The following DGKZ variants were observed in gnomAD, a reference collection of about 807,000 sequenced individuals.
DGKZ encodes DAG kinase zeta.
A neutral mutation model predicts 142.5 loss-of-function variants in DGKZ; 45 were observed. That is an observed-to-expected ratio of 0.32 (90% CI 0.25 to 0.40). DGKZ has a LOEUF of 0.40. Among genes scored for constraint, DGKZ ranks in the 10% least tolerant of loss-of-function variants. The probability of loss-of-function intolerance (pLI) is 1.00; values close to 1 mark genes in which losing one functional copy is unlikely to be tolerated. For missense variants in DGKZ, 755 were observed against 1,306.5 expected (o/e 0.58, Z 6.51); for synonymous variants, 442 against 527.0 (o/e 0.84, Z 2.21).
chr11:46,367,833 C>T lies in DGKZ; in HGVS notation c.366+86C>T. The T allele has an allele frequency of 1.3e-6, 2 of 1,566,358 alleles. No homozygotes were observed. Among genetic ancestry groups the T allele is most frequent in the Non-Finnish European group, 1.8e-6 (2 of 1,140,840 alleles). On this transcript the variant is annotated intron_variant, in intron 3 of 30. Transcript: ENST00000527911. The surrounding 1 kb of genome is among the most constrained non-coding windows in gnomAD (Gnocchi z 4.1). ...GGGAACGTGGGATTGAGCCCGCTCCCTGGCACCCCTGCTGTGGGCCGCCCC... is the reference window on the plus strand; with the variant it reads ...GGGAACGTGGGATTGAGCCCGCTCCTTGGCACCCCTGCTGTGGGCCGCCCC...
In DGKZ at chr11:46,363,335, T is replaced by C. The variant is rs1023859542; in HGVS notation, c.162-3956T>C. 2.0e-5 allele frequency among the ~76,000 whole-genome samples: 3 copies of C among 152,158 alleles called. No individual in the cohort carries two copies. In the South Asian group the frequency reaches 6.2e-4, roughly 32 times the overall value. On this transcript the variant is annotated intron_variant, in intron 1 of 30. Transcript: ENST00000527911. ...CATGGGTGCCCAGCAGGAGAGCCTG[T>C]GACAAATTGTCAGCTCAGCCACTCT...
At chr11:46,349,843 C>A (rs558532774) in intron 1 of DGKZ, among the ~76,000 whole-genome samples, 1 of 152,284 alleles carries the variant, frequency 6.6e-6, no homozygotes, top group South Asian at 2.1e-4. Flanking sequence ...TACCAGGATC[C>A]CAAACGGAAC....
Position 46,371,616 on chromosome 11 carries a change from T to A in DGKZ, c.759+13T>A. Reference sequence around the variant, plus strand: ...CCGGAGGCCCCAGGTGAGTACTGCCTGCACCCTTGATGCCCCGTACGCACT... The same window carrying A: ...CCGGAGGCCCCAGGTGAGTACTGCCAGCACCCTTGATGCCCCGTACGCACT... On this transcript the variant is annotated intron_variant, in intron 8 of 30. Coordinates refer to ENST00000527911, the Ensembl canonical transcript of DGKZ. The A allele has an allele frequency of 1.2e-6, 2 of 1,613,158 alleles. No individual in the cohort carries two copies. Among genetic ancestry groups the A allele is most frequent in the Non-Finnish European group, 1.7e-6 (2 of 1,179,616 alleles).
Position 46,371,199 on chromosome 11 carries a change from C to T in DGKZ, c.571-114C>T, listed in dbSNP as rs1328045107. On this transcript the variant is annotated intron_variant, in intron 6 of 30. Transcript: ENST00000527911. ...TTAAGCCCAGGAGTTTGAGACCAGC[C>T]TGGGCAACATAGCGAGGCCCTGTCT... is the stretch of plus-strand genomic sequence containing the variant. The T allele has an allele frequency of 2.9e-6, 3 of 1,030,732 alleles. No individual in the cohort carries two copies. The East Asian group carries it at 7.2e-5, about 25-fold the overall frequency. 63.8% of individuals were successfully genotyped at this position (1,030,732 alleles called of 1,614,324 possible).
chr11:46,341,915 C>T (rs1940296535), intron 1 of DGKZ, among the ~76,000 whole-genome samples: 1 of 152,064 alleles, frequency 6.6e-6, no homozygotes, highest in Non-Finnish European at 1.5e-5. Context: ...GACAAAGAGG[C>T]GGAAAAGCAA....
In DGKZ at chr11:46,333,049, G is replaced by A. The variant is rs537855631; in HGVS notation, c.-227G>A. On this transcript the variant is annotated 5_prime_UTR_variant, in exon 1 of 31. Transcript: ENST00000343674. ...CGCAGCACCCCGACTCCAGCCAGGAGCCCCCGCCCCCCCGGAGCGCAGGAG... is the reference window on the plus strand; with the variant it reads ...CGCAGCACCCCGACTCCAGCCAGGAACCCCCGCCCCCCCGGAGCGCAGGAG... 992 of 360,688 alleles carry A rather than the reference G, an allele frequency of 2.8e-3. 8 individuals are homozygous for A. Among genetic ancestry groups the A allele is most frequent in the African/African-American group, 0.02 (925 of 47,096 alleles). 22.3% of individuals were successfully genotyped at this position (360,688 alleles called of 1,614,324 possible).
In DGKZ at chr11:46,367,589, G is replaced by A; in HGVS notation, c.271-63G>A. The A allele has an allele frequency of 3.4e-6, 3 of 871,230 alleles. No homozygotes were observed. Among genetic ancestry groups the A allele is most frequent in the Non-Finnish European group, 4.9e-6 (3 of 612,342 alleles). 54.0% of individuals were successfully genotyped at this position (871,230 alleles called of 1,614,324 possible). A position where few individuals can be genotyped will look rare whatever the true frequency, so the allele number is the denominator to read the frequency against. The stretch of plus-strand genomic sequence containing the variant: ...TGTCTTGGGAGAGGGCGGGTGGGCG[G>A]GGGCTGATGGGAGGGAGGGCTGGGC... On this transcript the variant is annotated intron_variant, in intron 2 of 30. Coordinates refer to ENST00000527911, the Ensembl canonical transcript of DGKZ. This position sits in a 1 kb window ranked among gnomAD's most constrained non-coding sequence, Gnocchi z 4.1.
At chr11:46,366,473 C>T (rs1453735214) in intron 1 of DGKZ, 12 of 1,566,840 alleles carry the variant, frequency 7.7e-6, no homozygotes, top group South Asian at 1.2e-5. Flanking sequence ...TTCCAGCCGC[C>T]GGCGCTCCAG....
In DGKZ at chr11:46,379,579, G is replaced by A. The variant is rs1284616486; in HGVS notation, c.2688+11G>A. On this transcript the variant is annotated intron_variant, in intron 30 of 30. Transcript: ENST00000527911. ...AAGACAGACCAGCAGGTGAGCAGAC[G>A]GCAGGCAGGGAGCCCACGAGGGCAC... is the stretch of plus-strand genomic sequence containing the variant. The A allele has an allele frequency of 1.3e-6, 2 of 1,599,034 alleles. No homozygotes were observed. The highest frequency in any genetic ancestry group is 8.5e-7 in the Non-Finnish European group (1 of 1,173,130).
exon 20 of DGKZ, chr11:46,375,539 G>A (rs1193124727): frequency 6.3e-7 from 1 of 1,592,204 alleles, no homozygotes; most frequent in South Asian, 1.1e-5. Context: ...AGCCCTGCAA[G>A]CTTGCAGCCT....
At chr11:46,375,946 A>G in exon 21 of DGKZ, 1 of 1,609,762 alleles carries the variant, frequency 6.2e-7, no homozygotes, top group African/African-American at 1.3e-5. Context: ...CAGCTCAAGG[A>G]GGCCTGTGAG....
chr11:46,366,621 T>C (rs1484491432), intron 1 of DGKZ: 1 of 1,607,206 alleles, frequency 6.2e-7, no homozygotes. Flanking sequence ...GAGGAGGGTG[T>C]CCAGGAGGAT....
In DGKZ at chr11:46,369,763, G is replaced by A. The variant is rs542793219; in HGVS notation, c.502-178G>A. 1,305 of 875,850 alleles carry A rather than the reference G, an allele frequency of 1.5e-3. 3 individuals are homozygous for A. The highest frequency in any genetic ancestry group is 1.6e-3 in the Admixed American group (66 of 42,466). The allele number at this position is 875,850 out of a possible 1,614,324, so 54.3% of individuals were successfully genotyped here. On this transcript the variant is annotated intron_variant, in intron 5 of 30. Coordinates refer to ENST00000527911, the Ensembl canonical transcript of DGKZ. ...CTCCTGGTGCTTCCCAGCCTTCTCT[G>A]TCCCTCTGAGTCTGAGCCTCCCCCA... is the stretch of plus-strand genomic sequence containing the variant.
chr11:46,368,188 G>C (rs758038463), intron 4 of DGKZ, 109 bp downstream of exon 4: 3 of 1,159,892 alleles, frequency 2.6e-6, no homozygotes, highest in African/African-American at 3.1e-5. Flanking sequence ...GAGTGACCCA[G>C]CACTCGGGGG....
intron 1 of DGKZ, among the ~76,000 whole-genome samples, chr11:46,350,197 T>C (rs972088229): frequency 2.0e-5 from 3 of 152,156 alleles, no homozygotes; most frequent in Non-Finnish European, 4.4e-5. Context: ...GGGAAAGCAC[T>C]TTCTCCTGGC....
chr11:46,353,544 T>C (rs1026961720), intron 1 of DGKZ, among the ~76,000 whole-genome samples: 2 of 152,172 alleles, frequency 1.3e-5, no homozygotes, highest in Admixed American at 6.5e-5. Flanking sequence ...TCATGTGGCG[T>C]CCGGGCTGGG....
chr11:46,337,332 G>C (rs1940063188), intron 1 of DGKZ, among the ~76,000 whole-genome samples: 1 of 114,958 alleles, frequency 8.7e-6, no homozygotes, highest in Non-Finnish European at 1.6e-5. Flanking sequence ...GTCTCACTCT[G>C]TCGCCCAGGC....
upstream of DGKZ, among the ~76,000 whole-genome samples, chr11:46,342,996 C>T (rs552335271): frequency 3.3e-5 from 5 of 152,072 alleles, no homozygotes; most frequent in South Asian, 2.1e-4. Context: ...TGGTAGCGCA[C>T]GCCTGTGATC....
chr11:46,375,700 C>A, intron 20 of DGKZ, 69 bp downstream of exon 20: 1 of 1,516,206 alleles, frequency 6.6e-7, no homozygotes, highest in South Asian at 1.2e-5. Context: ...CCTTGATTTC[C>A]CCATCTGTAA....
Sources: gnomAD v4.1 joint callset for allele counts (sites outside exome capture counted in the v4.1 genomes callset) on GRCh38, gnomAD v4.1.1 for gene constraint, Gnocchi (gnomAD v3.1) non-coding constraint, MANE v1.5 for transcripts, NCBI Gene and HGNC (gene_info 2026-07-23, HGNC 2026-07-21) for gene names.